Variants in DCUN1D4 observed in about 807,000 individuals in gnomAD.
DCUN1D4 encodes defective in cullin neddylation 1 domain containing 4.
In DCUN1D4, 22 loss-of-function variants were observed where a neutral mutation model predicts 47.9. The ratio of observed to expected loss-of-function variants is 0.46; its 90% CI spans 0.33 to 0.66. DCUN1D4 has a LOEUF of 0.66. Ranked by LOEUF, DCUN1D4 falls within the 30% of genes least tolerant of loss-of-function variation. The probability of loss-of-function intolerance (pLI) is 0.02; values close to 1 mark genes in which losing one functional copy is unlikely to be tolerated. For synonymous variants in DCUN1D4, 121 were observed against 112.2 expected (o/e 1.08, Z -0.50); for missense variants, 301 against 340.8 (o/e 0.88, Z 0.92).
intron 5 of DCUN1D4, among the ~76,000 whole-genome samples, chr4:51,881,353 C>T (rs1291787711): frequency 1.3e-5 from 2 of 151,960 alleles, no homozygotes; most frequent in Admixed American, 1.3e-4. Flanking sequence ...TTTGGTTTAC[C>T]AAAAATAAAG....
intron 1 of DCUN1D4, among the ~76,000 whole-genome samples, chr4:51,861,934 A>C (rs1725126215): frequency 6.6e-6 from 1 of 152,098 alleles, no homozygotes; most frequent in Admixed American, 6.5e-5. Flanking sequence ...CGTTTAATAA[A>C]TATAAATGTA....
rs1384896535 is a variant in DCUN1D4 at position 51,916,433 on chromosome 4, AAGTT to A, written c.*2854_*2857del. 1.3e-5 allele frequency: 2 copies of A among 152,554 alleles called. No individual in the cohort carries two copies. Among genetic ancestry groups the A allele is most frequent in the African/African-American group, 2.4e-5 (1 of 41,436 alleles). 9.5% of individuals were successfully genotyped at this position (152,554 alleles called of 1,614,324 possible). On this transcript the variant is annotated 3_prime_UTR_variant, in exon 11 of 11. Transcript: ENST00000334635. ...TTGAAGTTTATACAGAAAGCTTTAA[AAGTT>A]AGTTTGTGCCCTTGGTTTTTATTCT...
chr4:51,859,439 G>A (rs1290384663), intron 1 of DCUN1D4, among the ~76,000 whole-genome samples: 1 of 151,802 alleles, frequency 6.6e-6, no homozygotes, highest in African/African-American at 2.4e-5. Context: ...TAAACTATTA[G>A]GACTGTTAAT....
intron 3 of DCUN1D4, among the ~76,000 whole-genome samples, chr4:51,867,767 C>G (rs1726195210): frequency 6.6e-6 from 1 of 152,264 alleles, no homozygotes; most frequent in African/African-American, 2.4e-5. Flanking sequence ...GTCCCTGGAA[C>G]TGGCAGCCCA....
rs148111381 is a variant in DCUN1D4, at chr4:51,886,766, A to G, written c.414+128A>G. 23 of 731,464 alleles carry G rather than the reference A, an allele frequency of 3.1e-5. 1 individual carries two copies. In the East Asian group the frequency reaches 6.4e-4, roughly 20 times the overall value. The allele number at this position is 731,464 out of a possible 1,614,324, so 45.3% of individuals were successfully genotyped here. A position where few individuals can be genotyped will look rare whatever the true frequency, so the allele number is the denominator to read the frequency against. ...TAGTTTTTATGAAGCAGTCTAAGAA[A>G]TAAGTTCTAATTCTAGTTTGACTTA... On this transcript the variant is annotated intron_variant, in intron 6 of 10. Transcript: ENST00000334635.
intron 1 of DCUN1D4, among the ~76,000 whole-genome samples, chr4:51,852,463 T>G (rs1723514567): frequency 6.6e-6 from 1 of 152,204 alleles, no homozygotes; most frequent in African/African-American, 2.4e-5. Context: ...GTCCTACATA[T>G]GCAATTCCCA....
chr4:51,889,789 A>C (rs942999857), intron 6 of DCUN1D4, among the ~76,000 whole-genome samples: 2 of 152,204 alleles, frequency 1.3e-5, no homozygotes, highest in African/African-American at 4.8e-5. Flanking sequence ...ATGTGTGAAT[A>C]ATTTGAAGAA....
chr4:51,908,465 T>C (rs138322714), intron 8 of DCUN1D4, among the ~76,000 whole-genome samples: 3 of 152,278 alleles, frequency 2.0e-5, no homozygotes, highest in Non-Finnish European at 4.4e-5. Flanking sequence ...TCCAGGAATC[T>C]ATTGGTCTGC....
chr4:51,843,324 C>T, intron 1 of DCUN1D4, 57 bp downstream of exon 1: 1 of 1,490,704 alleles, frequency 6.7e-7, no homozygotes, highest in Non-Finnish European at 8.9e-7. Flanking sequence ...AAACTCGCCA[C>T]TCGGCTCCCG....
intron 6 of DCUN1D4, 91 bp downstream of exon 6, chr4:51,886,729 G>A: frequency 3.7e-6 from 4 of 1,066,918 alleles, no homozygotes; most frequent in Non-Finnish European, 5.6e-6. Context: ...TAATTAAAAA[G>A]TAGTGGTATG....
At chr4:51,886,757 G>A (rs1174675264) in intron 6 of DCUN1D4, 119 bp downstream of exon 6, 7 of 814,820 alleles carry the variant, frequency 8.6e-6, no homozygotes, top group Non-Finnish European at 1.4e-5. Context: ...TTATGAAGCA[G>A]TCTAAGAAAT....
chr4:51,912,695 A>G (rs1176261351), intron 9 of DCUN1D4, among the ~76,000 whole-genome samples: 1 of 152,182 alleles, frequency 6.6e-6, no homozygotes, highest in Non-Finnish European at 1.5e-5. Context: ...TTCTTTTATG[A>G]TCAGATTCGA....
chr4:51,883,346 T>A (rs1051500186), intron 5 of DCUN1D4, among the ~76,000 whole-genome samples: 1 of 152,256 alleles, frequency 6.6e-6, no homozygotes, highest in Non-Finnish European at 1.5e-5. Context: ...TCTTTTTTTT[T>A]ACTGTTTATT....
At chr4:51,880,654 A>G (rs2110011393) in intron 5 of DCUN1D4, among the ~76,000 whole-genome samples, 2 of 152,332 alleles carry the variant, frequency 1.3e-5, no homozygotes, top group Middle Eastern at 6.8e-3. Context: ...CTCCAGAAAT[A>G]TAATGAATAA....
intron 1 of DCUN1D4, among the ~76,000 whole-genome samples, chr4:51,858,661 ATATGTTTAT>A (rs1176725483): frequency 6.6e-6 from 1 of 152,208 alleles, no homozygotes; most frequent in Non-Finnish European, 1.5e-5. Context: ...ATTTATACGT[ATATGTTTAT>A]CAGCTCTCTG....
chr4:51,906,924 T>G (rs1732981208), intron 8 of DCUN1D4, among the ~76,000 whole-genome samples: 1 of 152,230 alleles, frequency 6.6e-6, no homozygotes, highest in African/African-American at 2.4e-5. Context: ...TTTTAACTCC[T>G]TGTGCCTCAG....
At chr4:51,891,117 T>C (rs550932016) in intron 6 of DCUN1D4, among the ~76,000 whole-genome samples, 40 of 152,382 alleles carry the variant, frequency 2.6e-4, no homozygotes, top group African/African-American at 8.7e-4. Context: ...CATTAAAGTA[T>C]GTGTGCTACA....
intron 3 of DCUN1D4, chr4:51,865,661 G>A (rs929647047): frequency 2.6e-5 from 4 of 152,184 alleles, no homozygotes; most frequent in African/African-American, 4.8e-5. Flanking sequence ...CATACTGTAC[G>A]TGTTATAGTG....
rs17082071 is a variant in DCUN1D4, at chr4:51,914,022, T to G, written c.*438T>G. On this transcript the variant is annotated 3_prime_UTR_variant, in exon 11 of 11. Transcript: ENST00000334635. Reference sequence around the variant, plus strand: ...AGAAAACAAGAGAAAACTGTTACCATGAACAAACATTGCCAGAATTAACCT... The same window carrying G: ...AGAAAACAAGAGAAAACTGTTACCAGGAACAAACATTGCCAGAATTAACCT... 3,815 of 155,492 alleles carry G rather than the reference T, an allele frequency of 0.025. 66 individuals carry two copies. The highest frequency in any genetic ancestry group is 0.04 in the Middle Eastern group (12 of 300). 9.6% of individuals were successfully genotyped at this position (155,492 alleles called of 1,614,324 possible). A position where few individuals can be genotyped will look rare whatever the true frequency, so the allele number is the denominator to read the frequency against.
Sources: allele counts gnomAD v4.1 joint callset (sites outside exome capture counted in the v4.1 genomes callset), GRCh38; gene constraint gnomAD v4.1.1; transcripts MANE v1.5; gene names NCBI Gene and HGNC (gene_info 2026-07-23, HGNC 2026-07-21).